The following GALNT14 variants were observed in gnomAD, a reference collection of about 807,000 sequenced individuals.
GALNT14 encodes the protein UDP-GalNAc:polypeptide N-acetylgalactosaminyltransferase 14.
Under a neutral mutation model 77.5 loss-of-function variants are expected in GALNT14, and 60 were observed. That is an observed-to-expected ratio of 0.77 (90% CI 0.63 to 0.96). GALNT14 has a LOEUF of 0.96. Among genes scored for constraint, GALNT14 ranks in the 40% least tolerant of loss-of-function variants. GALNT14 has a pLI of 0.00. For missense variants in GALNT14, 710 were observed against 731.0 expected (o/e 0.97, Z 0.33); for synonymous variants, 280 against 281.7 (o/e 0.99, Z 0.06).
At position 31,048,591 on chromosome 2, in the gene GALNT14, C is replaced by T. The variant is rs536072715; in HGVS notation, c.130-55584G>A. 3.6e-4 allele frequency among the ~76,000 whole-genome samples: 48 copies of T among 131,610 alleles called. No homozygotes were observed. In the South Asian group the frequency reaches 0.011, roughly 29 times the overall value. 86.3% of individuals were successfully genotyped at this position (131,610 alleles called of 152,430 possible). ...ACCAGGCCCTGGGACTGCCTCCCCA[C>T]CCCCACTCCTGCCTCCCCTGCCTCC... On this transcript the variant is annotated intron_variant, in intron 1 of 14. Transcript: ENST00000349752.
chr2:30,897,801 G>A, the GALNT14 span, among the ~76,000 whole-genome samples: 1 of 152,180 alleles, frequency 6.6e-6, no homozygotes. Flanking sequence ...ACCAGCAGGG[G>A]ACACCATTCC....
chr2:31,086,482 C>T (rs1490984682), intron 1 of GALNT14, among the ~76,000 whole-genome samples: 1 of 151,974 alleles, frequency 6.6e-6, no homozygotes, highest in East Asian at 1.9e-4. Context: ...TAACTTCATC[C>T]CTCTGGATCT....
intron 13 of GALNT14, among the ~76,000 whole-genome samples, chr2:30,914,353 A>T (rs1415442284): frequency 6.6e-6 from 1 of 152,194 alleles, no homozygotes; most frequent in African/African-American, 2.4e-5. Flanking sequence ...TCCGGGGAGA[A>T]GACACCTGCC....
rs146035369 is a variant in GALNT14 at position 31,033,893 on chromosome 2, G to GATC, written c.130-40887_130-40886insGAT. 3.2e-3 allele frequency among the ~76,000 whole-genome samples: 492 copies of GATC among 152,318 alleles called. 6 individuals are homozygous for GATC. Among genetic ancestry groups the GATC allele is most frequent in the African/African-American group, 0.011 (476 of 41,564 alleles). On this transcript the variant is annotated intron_variant, in intron 1 of 14. Transcript: ENST00000349752. Reference sequence around the variant, plus strand: ...AAAGCATGTCAGAAACTGAACTCATGATGACAACAGCAAACAAACCCTCAC... The same window carrying GATC: ...AAAGCATGTCAGAAACTGAACTCATGATCATGACAACAGCAAACAAACCCTCAC...
intron 3 of GALNT14, among the ~76,000 whole-genome samples, chr2:30,964,886 C>A (rs1319312209): frequency 6.6e-6 from 1 of 152,132 alleles, no homozygotes; most frequent in African/African-American, 2.4e-5. Flanking sequence ...CACAGCCATG[C>A]GGCGGCGGGA....
At chr2:31,064,631 C>T (rs1295256611) in intron 1 of GALNT14, among the ~76,000 whole-genome samples, 2 of 152,076 alleles carry the variant, frequency 1.3e-5, no homozygotes, top group Non-Finnish European at 2.9e-5. Context: ...ACAAATATAT[C>T]GCTGATTTCG....
chr2:30,910,294 G>C (rs1479077710), downstream of GALNT14, among the ~76,000 whole-genome samples: 1 of 152,026 alleles, frequency 6.6e-6, no homozygotes, highest in Non-Finnish European at 1.5e-5. Flanking sequence ...GAAGTTACAT[G>C]TCATTTTAAG....
At chr2:31,084,872 A>C (rs1182991956) in intron 1 of GALNT14, among the ~76,000 whole-genome samples, 1 of 152,080 alleles carries the variant, frequency 6.6e-6, no homozygotes, top group Non-Finnish European at 1.5e-5. Flanking sequence ...TAAAAATACA[A>C]AAATTAACCA....
chr2:30,932,606 A>G (rs574616114), intron 9 of GALNT14, among the ~76,000 whole-genome samples: 2 of 152,344 alleles, frequency 1.3e-5, no homozygotes, highest in Admixed American at 1.3e-4. Context: ...TAGAGTCAGG[A>G]CCAAGGAGAA....
At chr2:31,047,138 G>C (rs529610507) in intron 1 of GALNT14, among the ~76,000 whole-genome samples, 3 of 152,278 alleles carry the variant, frequency 2.0e-5, no homozygotes, top group Admixed American at 2.0e-4. Flanking sequence ...GGGAGTGCAT[G>C]CTCCTCTAGG....
intron 1 of GALNT14, among the ~76,000 whole-genome samples, chr2:31,041,374 G>T (rs1405147539): frequency 1.3e-5 from 2 of 152,182 alleles, no homozygotes. Context: ...AGGCTCTAAA[G>T]AAGATGAGGT....
intron 1 of GALNT14, among the ~76,000 whole-genome samples, chr2:31,035,706 C>T (rs532089684): frequency 6.6e-6 from 1 of 151,180 alleles, no homozygotes; most frequent in African/African-American, 2.4e-5. Context: ...ATGTCCTTTG[C>T]AGGAACATGG....
intron 1 of GALNT14, among the ~76,000 whole-genome samples, chr2:31,016,377 G>A (rs924398152): frequency 6.6e-6 from 1 of 152,122 alleles, no homozygotes. Flanking sequence ...TCACATGGGG[G>A]TTAGAGCTCC....
chr2:30,892,957 T>C, the GALNT14 span, among the ~76,000 whole-genome samples: 1 of 152,268 alleles, frequency 6.6e-6, no homozygotes, highest in Admixed American at 6.5e-5. Flanking sequence ...ATTTTCATCT[T>C]AGAATTTAAT....
chr2:30,909,962 A>T (rs530529700), downstream of GALNT14, among the ~76,000 whole-genome samples: 596 of 151,678 alleles, frequency 3.9e-3, 5 homozygotes, highest in African/African-American at 0.013. Flanking sequence ...TCGCAAGAAC[A>T]AAAAACCAAA....
rs142569800 is a variant in GALNT14 at position 30,958,444 on chromosome 2, G to A, written c.419C>T (p.Thr140Met). ...TIRSVLNRTPTHLIREIILVD... is the reference protein window; with the variant it reads ...TIRSVLNRTPMHLIREIILVD... ...TAATATGATTTCCCGGATCAGATGCGTAGGGGTGCGGTTTAATACACTGCA... is the reference window on the plus strand; with the variant it reads ...TAATATGATTTCCCGGATCAGATGCATAGGGGTGCGGTTTAATACACTGCA... Residue 140 changes from threonine (T) to methionine (M), a missense_variant, in exon 4 of 15, where the codon ACG becomes ATG. Thr to Met is a moderately conservative substitution (Grantham distance 81, BLOSUM62 -1). Coordinates refer to ENST00000349752, the MANE Select transcript of GALNT14 (RefSeq NM_024572.4). The A allele has an allele frequency of 4.5e-5, 72 of 1,613,880 alleles. No homozygotes were observed. Among genetic ancestry groups the A allele is most frequent in the African/African-American group, 3.2e-4 (24 of 74,900 alleles).
At chr2:30,982,173 ACAC>A (rs1433848657) in intron 2 of GALNT14, among the ~76,000 whole-genome samples, 1 of 152,152 alleles carries the variant, frequency 6.6e-6, no homozygotes, top group Non-Finnish European at 1.5e-5. Context: ...CCACAATAAG[ACAC>A]CACCACTCAG....
intron 2 of GALNT14, among the ~76,000 whole-genome samples, chr2:30,972,455 A>G (rs920775765): frequency 5.3e-5 from 8 of 152,230 alleles, no homozygotes; most frequent in African/African-American, 1.7e-4. Context: ...ACTACTGCTC[A>G]TTGAACCTTT....
chr2:30,985,556 G>A (rs1318389489), intron 2 of GALNT14, among the ~76,000 whole-genome samples: 4 of 152,186 alleles, frequency 2.6e-5, no homozygotes, highest in Non-Finnish European at 4.4e-5. Context: ...ACTGCAAACT[G>A]CCCCGGGCTG....
Sources: gnomAD v4.1 joint callset for allele counts (sites outside exome capture counted in the v4.1 genomes callset) on GRCh38, gnomAD v4.1.1 for gene constraint, MANE v1.5 for transcripts, NCBI Gene and HGNC (gene_info 2026-07-23, HGNC 2026-07-21) for gene names.